Variants in ANKRD44 observed in about 807,000 individuals in gnomAD.
ANKRD44 encodes ankyrin repeat domain 44, also known as serine/threonine-protein phosphatase 6 regulatory ankyrin repeat subunit B.
In ANKRD44, 35 loss-of-function variants were observed where a neutral mutation model predicts 116.0. The ratio of observed to expected loss-of-function variants is 0.30; its 90% CI spans 0.23 to 0.40. The LOEUF is 0.40. ANKRD44 is among the 10% of genes least tolerant of loss of function. ANKRD44 has a pLI of 1.00. For missense variants in ANKRD44, 1,014 were observed against 1,242.6 expected (o/e 0.82, Z 2.77); for synonymous variants, 435 against 461.8 (o/e 0.94, Z 0.74).
chr2:197,194,733 CATAG>C (rs532041564), intron 1 of ANKRD44, among the ~76,000 whole-genome samples: 7 of 152,028 alleles, frequency 4.6e-5, no homozygotes, highest in South Asian at 2.1e-4. Context: ...AATGCATATA[CATAG>C]ATAGATAGAT....
downstream of ANKRD44, among the ~76,000 whole-genome samples, chr2:196,985,209 T>C (rs2075828542): frequency 6.6e-6 from 1 of 152,170 alleles, no homozygotes; most frequent in Non-Finnish European, 1.5e-5. Context: ...ATGAGTGAAC[T>C]TAGAAATGGA....
At chr2:197,130,354 C>CTAAGCGAACTATT (rs1406588720) in intron 4 of ANKRD44, among the ~76,000 whole-genome samples, 1 of 152,198 alleles carries the variant, frequency 6.6e-6, no homozygotes, top group Non-Finnish European at 1.5e-5. Flanking sequence ...TGAAAGAATT[C>CTAAGCGAACTATT]TAAGCGAACT....
At chr2:197,019,138 C>A (rs1343918176) in intron 17 of ANKRD44, among the ~76,000 whole-genome samples, 1 of 152,168 alleles carries the variant, frequency 6.6e-6, no homozygotes, top group African/African-American at 2.4e-5. Context: ...AAACCTAAAC[C>A]CTTTCTATAG....
In ANKRD44 at chr2:196,991,766, T is replaced by C. The variant is rs1206915252; in HGVS notation, c.2923+1817A>G. ...CGGCTGATTTTTTCTTTTTTTGGTT[T>C]TTTTTTTTTGAGTCAAGGTCTTGCT... is the stretch of plus-strand genomic sequence containing the variant. On this transcript the variant is annotated intron_variant, in intron 27 of 27. Transcript: ENST00000282272. Among the ~76,000 whole-genome samples the C allele has an allele frequency of 6.1e-4, 91 of 149,992 alleles. 1 individual carries two copies. The highest frequency in any genetic ancestry group is 2.1e-3 in the African/African-American group (85 of 41,168).
intron 1 of ANKRD44, among the ~76,000 whole-genome samples, chr2:197,207,423 G>C (rs2081232285): frequency 6.6e-6 from 1 of 152,172 alleles, no homozygotes; most frequent in Non-Finnish European, 1.5e-5. Context: ...ACATTAAGCT[G>C]CTTCTCTTTT....
At chr2:197,063,153 T>C (rs1287242171) in intron 16 of ANKRD44, among the ~76,000 whole-genome samples, 2 of 152,188 alleles carry the variant, frequency 1.3e-5, no homozygotes. Context: ...CAACATTTGC[T>C]GTTCAGCAAT....
At chr2:197,081,834 AAAG>A in intron 14 of ANKRD44, 109 bp from the exon 15 acceptor site, 1 of 829,792 alleles carries the variant, frequency 1.2e-6, no homozygotes, top group Non-Finnish European at 1.9e-6. Flanking sequence ...CCCCAACCCA[AAAG>A]AAGTAAGCAC....
intron 2 of ANKRD44, among the ~76,000 whole-genome samples, chr2:197,153,998 G>A (rs1431985798): frequency 6.6e-6 from 1 of 152,038 alleles, no homozygotes; most frequent in Non-Finnish European, 1.5e-5. Context: ...GAATTTCTCT[G>A]AAGTAGATAC....
chr2:197,132,217 G>C (rs1179665543), intron 4 of ANKRD44, among the ~76,000 whole-genome samples: 1 of 152,212 alleles, frequency 6.6e-6, no homozygotes, highest in African/African-American at 2.4e-5. Context: ...GCCAGATGTG[G>C]GGAGCAGGTT....
rs2082147995 is a variant in ANKRD44 at position 197,244,391 on chromosome 2, C to A, written c.28-57285G>T. Among the ~76,000 whole-genome samples the A allele has an allele frequency of 2.6e-5, 4 of 152,222 alleles. No individual in the cohort carries two copies. The South Asian group carries it at 8.3e-4, about 32-fold the overall frequency. ...TTAGCAAAGAAGAATGTGTCATCAG[C>A]CTCCAGACTGGTCAGTATATAAGCA... On this transcript the variant is annotated intron_variant, in intron 1 of 27. Transcript: ENST00000282272.
In ANKRD44 at chr2:197,201,259, C is replaced by T. The variant is rs777353593; in HGVS notation, c.28-14153G>A. On this transcript the variant is annotated intron_variant, in intron 1 of 27. Transcript: ENST00000282272. This position sits in a 1 kb window ranked among gnomAD's most constrained non-coding sequence, Gnocchi z 4.0. ...TTCATGTGAAGGGCACGTGTGAAGA[C>T]ATAATCTTGACAGTCATATTACAGA... Among the ~76,000 whole-genome samples, 2 of 152,190 alleles carry T rather than the reference C, an allele frequency of 1.3e-5. No homozygotes were observed. The highest frequency in any genetic ancestry group is 6.5e-5 in the Admixed American group (1 of 15,280).
chr2:197,265,716 G>C (rs953313628), intron 1 of ANKRD44, among the ~76,000 whole-genome samples: 3 of 152,136 alleles, frequency 2.0e-5, no homozygotes, highest in South Asian at 2.1e-4. Flanking sequence ...TATGAACAAA[G>C]CATATTAAAT....
intron 1 of ANKRD44, among the ~76,000 whole-genome samples, chr2:197,300,745 A>G (rs2083879925): frequency 7.0e-6 from 1 of 143,566 alleles, no homozygotes; most frequent in Non-Finnish European, 1.5e-5. Context: ...TCGACCTCTC[A>G]GTTTTCATTT....
At chr2:197,008,170 T>C (rs1036923683) in intron 19 of ANKRD44, among the ~76,000 whole-genome samples, 1 of 152,182 alleles carries the variant, frequency 6.6e-6, no homozygotes, top group African/African-American at 2.4e-5. Context: ...AGCTTCCTTT[T>C]CAAAATATTC....
At chr2:197,157,504 C>G (rs768329225) in intron 2 of ANKRD44, among the ~76,000 whole-genome samples, 42 of 151,686 alleles carry the variant, frequency 2.8e-4, no homozygotes, top group Admixed American at 9.2e-4. Flanking sequence ...GTGAAACTCC[C>G]TCTCTACTAA....
intron 1 of ANKRD44, among the ~76,000 whole-genome samples, chr2:197,282,264 T>C (rs981170379): frequency 6.6e-6 from 1 of 151,928 alleles, no homozygotes; most frequent in Non-Finnish European, 1.5e-5. Context: ...AAAAAATATA[T>C]ATATATAGTA....
chr2:197,309,849 C>T (rs918419498), intron 1 of ANKRD44, among the ~76,000 whole-genome samples: 1 of 152,164 alleles, frequency 6.6e-6, no homozygotes, highest in Non-Finnish European at 1.5e-5. Context: ...AGCAAATAAC[C>T]CCACCTCTCC....
chr2:197,208,384 C>T (rs943778316), intron 1 of ANKRD44, among the ~76,000 whole-genome samples: 3 of 152,200 alleles, frequency 2.0e-5, no homozygotes, highest in African/African-American at 7.2e-5. Flanking sequence ...AGCAAAACTT[C>T]TAGAAAGAGC....
At chr2:197,215,837 T>C (rs1257631219) in intron 1 of ANKRD44, among the ~76,000 whole-genome samples, 1 of 152,234 alleles carries the variant, frequency 6.6e-6, no homozygotes, top group African/African-American at 2.4e-5. Flanking sequence ...CAAACTTAGC[T>C]AGGAGCAGTG....
Sources: allele counts gnomAD v4.1 joint callset (sites outside exome capture counted in the v4.1 genomes callset), GRCh38; gene constraint gnomAD v4.1.1; non-coding constraint Gnocchi (gnomAD v3.1); transcripts MANE v1.5; gene names NCBI Gene and HGNC (gene_info 2026-07-23, HGNC 2026-07-21).